Variants in LDB2 observed in about 807,000 individuals in gnomAD.
The protein encoded by LDB2 is LIM domain binding 2.
LDB2 carries 12 observed loss-of-function variants against 44.3 expected under a neutral mutation model. The ratio of observed to expected loss-of-function variants is 0.27; its 90% CI spans 0.17 to 0.44. LDB2 has a LOEUF of 0.44. Among genes scored for constraint, LDB2 ranks in the 20% least tolerant of loss-of-function variants. The pLI, the probability that LDB2 is intolerant of heterozygous loss-of-function variation, is 1.00. For missense variants in LDB2, 344 were observed against 473.5 expected, an observed-to-expected ratio of 0.73 and a Z score of 2.54; for synonymous variants, 164 against 174.8, an observed-to-expected ratio of 0.94 and a Z score of 0.49.
chr4:16,826,055 TTATA>T (rs1783004301), intron 1 of LDB2, among the ~76,000 whole-genome samples: 1 of 151,830 alleles, frequency 6.6e-6, no homozygotes, highest in Non-Finnish European at 1.5e-5. Flanking sequence ...AGCCCTAATG[TTATA>T]TATATCTATC....
At chr4:16,649,314 T>C (rs926372957) in intron 2 of LDB2, among the ~76,000 whole-genome samples, 1 of 152,180 alleles carries the variant, frequency 6.6e-6, no homozygotes, top group Non-Finnish European at 1.5e-5. Flanking sequence ...GCCTGTAAAA[T>C]GTATGACCAA....
Position 16,898,443 on chromosome 4 carries a change from C to G in LDB2, c.43G>C (p.Gly15Arg). Residue 15 changes from glycine (G) to arginine (R), a missense_variant, in exon 1 of 8, where the codon GGC becomes CGC. Transcript: ENST00000304523. ...PHDPFYSSPF[G>R]PFYRRHTPYM... ...GGTGTATGCCTCCTATAAAATGGGC[C>G]GAAAGGAGAAGAATAGAAGGGGTCA... 6.2e-7 allele frequency: 1 copy of G among 1,613,620 alleles called. No individual in the cohort carries two copies. Among genetic ancestry groups the G allele is most frequent in the Non-Finnish European group, 8.5e-7 (1 of 1,179,894 alleles).
At chr4:16,831,903 A>G (rs538049898) in intron 1 of LDB2, among the ~76,000 whole-genome samples, 1 of 152,194 alleles carries the variant, frequency 6.6e-6, no homozygotes, top group Admixed American at 6.5e-5. Context: ...ATATGGGCGT[A>G]ACCAGGGCTG....
chr4:16,626,130 C>T (rs1730227596), intron 2 of LDB2, among the ~76,000 whole-genome samples: 1 of 152,184 alleles, frequency 6.6e-6, no homozygotes, highest in Admixed American at 6.5e-5. Flanking sequence ...TCATTAACCC[C>T]TTTGTATAAA....
chr4:16,795,146 G>C (rs1339344943), intron 1 of LDB2, among the ~76,000 whole-genome samples: 2 of 152,152 alleles, frequency 1.3e-5, no homozygotes, highest in Admixed American at 1.3e-4. Context: ...ACCCAAGACT[G>C]GCAGAAAGAG....
chr4:16,820,764 G>C (rs1243379389), intron 1 of LDB2, among the ~76,000 whole-genome samples: 1 of 151,780 alleles, frequency 6.6e-6, no homozygotes, highest in Non-Finnish European at 1.5e-5. Flanking sequence ...AAAAAAAACA[G>C]AGAACAGAAG....
chr4:16,609,940 G>A (rs972845244), intron 2 of LDB2, among the ~76,000 whole-genome samples: 2 of 152,072 alleles, frequency 1.3e-5, no homozygotes, highest in Non-Finnish European at 2.9e-5. Context: ...CACCCTACTG[G>A]CATCCTAATG....
intron 2 of LDB2, among the ~76,000 whole-genome samples, chr4:16,628,869 CTG>C (rs1248921687): frequency 3.9e-5 from 6 of 152,198 alleles, no homozygotes; most frequent in Non-Finnish European, 8.8e-5. Context: ...CCGTGAGTGA[CTG>C]TACCTGGAGA....
intron 1 of LDB2, among the ~76,000 whole-genome samples, chr4:16,887,848 G>A (rs766463849): frequency 7.9e-5 from 12 of 151,916 alleles, no homozygotes; most frequent in African/African-American, 1.7e-4. Context: ...TATGTAATCC[G>A]AAGAATTCCT....
At chr4:16,662,379 A>G (rs1316761512) in intron 2 of LDB2, among the ~76,000 whole-genome samples, 1 of 152,232 alleles carries the variant, frequency 6.6e-6, no homozygotes, top group Admixed American at 6.5e-5. Context: ...ATTGGACATC[A>G]GCTTCTGAAA....
intron 2 of LDB2, among the ~76,000 whole-genome samples, chr4:16,752,009 G>A: frequency 6.6e-6 from 1 of 152,110 alleles, no homozygotes; most frequent in Non-Finnish European, 1.5e-5. Context: ...GGGTGCTAGA[G>A]CCATCTGGAA....
chr4:16,811,181 G>A lies in LDB2; in HGVS notation c.133-51921C>T, dbSNP rs144836012. Among the ~76,000 whole-genome samples the A allele has an allele frequency of 4.1e-3, 619 of 152,306 alleles. 2 individuals carry two copies. Among genetic ancestry groups the A allele is most frequent in the Middle Eastern group, 0.027 (8 of 294 alleles). On this transcript the variant is annotated intron_variant, in intron 1 of 7. Coordinates refer to ENST00000304523, the MANE Select transcript of LDB2 (RefSeq NM_001290.5). Reference sequence around the variant, plus strand: ...AAAGGATTAAGTGAACTGATTCATGGGATGTGCTTTGCACACTGTACCTTC... The same window carrying A: ...AAAGGATTAAGTGAACTGATTCATGAGATGTGCTTTGCACACTGTACCTTC...
intron 1 of LDB2, among the ~76,000 whole-genome samples, chr4:16,895,539 T>A (rs1348531015): frequency 6.7e-6 from 1 of 148,426 alleles, no homozygotes; most frequent in African/African-American, 2.4e-5. Flanking sequence ...CCCAGTGGGG[T>A]GTGTTTGTGT....
intron 5 of LDB2, among the ~76,000 whole-genome samples, chr4:16,543,169 TC>T (rs1265333420): frequency 6.6e-6 from 1 of 152,172 alleles, no homozygotes; most frequent in African/African-American, 2.4e-5. Flanking sequence ...ATCCAGTCTA[TC>T]ATTGATGGAC....
intron 2 of LDB2, among the ~76,000 whole-genome samples, chr4:16,629,307 G>A (rs531192583): frequency 9.8e-5 from 15 of 152,308 alleles, no homozygotes; most frequent in African/African-American, 3.4e-4. Context: ...TCCAAAAATG[G>A]ACAGACTGCC....
chr4:16,761,103 C>T (rs1290243349), intron 1 of LDB2, among the ~76,000 whole-genome samples: 3 of 151,918 alleles, frequency 2.0e-5, no homozygotes, highest in Non-Finnish European at 2.9e-5. Context: ...AGAACAGTGT[C>T]TAGCCTAGGA....
rs148586080 is a variant in LDB2 at position 16,846,909 on chromosome 4, G to A, written c.132+51445C>T. 5.7e-3 allele frequency among the ~76,000 whole-genome samples: 863 copies of A among 152,252 alleles called. 15 individuals carry two copies. Among genetic ancestry groups the A allele is most frequent in the African/African-American group, 0.02 (824 of 41,546 alleles). ...TTTATGACACTGACAGTCATCAAGCGGATGTTTGTCAAAGTACATTTCCCA... is the reference window on the plus strand; with the variant it reads ...TTTATGACACTGACAGTCATCAAGCAGATGTTTGTCAAAGTACATTTCCCA... On this transcript the variant is annotated intron_variant, in intron 1 of 7. Transcript: ENST00000304523.
At chr4:16,518,952 G>T (rs1350738447) in intron 5 of LDB2, among the ~76,000 whole-genome samples, 3 of 152,118 alleles carry the variant, frequency 2.0e-5, no homozygotes, top group African/African-American at 7.2e-5. Flanking sequence ...GGTCCTCCAA[G>T]GTCCAGCTCA....
chr4:16,736,688 C>T (rs562782486), intron 2 of LDB2, among the ~76,000 whole-genome samples: 1 of 152,150 alleles, frequency 6.6e-6, no homozygotes, highest in Non-Finnish European at 1.5e-5. Context: ...CTATATCATA[C>T]CTTCAAATTC....
Sources: allele counts gnomAD v4.1 joint callset (sites outside exome capture counted in the v4.1 genomes callset), GRCh38; gene constraint gnomAD v4.1.1; transcripts MANE v1.5; gene names NCBI Gene and HGNC (gene_info 2026-07-23, HGNC 2026-07-21).